The following SHISA9 variants were observed in gnomAD, a reference collection of about 807,000 sequenced individuals.
The protein encoded by SHISA9 is protein shisa-9.
In SHISA9, 13 loss-of-function variants were observed where a neutral mutation model predicts 38.0. That is an observed-to-expected ratio of 0.34 (90% confidence interval 0.22 to 0.54). SHISA9 has a LOEUF of 0.54. Among genes scored for constraint, SHISA9 ranks in the 20% least tolerant of loss-of-function variants. The pLI is 0.91. For missense variants in SHISA9, 538 were observed against 575.8 expected (o/e 0.93, Z 0.67); for synonymous variants, 275 against 242.0 (o/e 1.14, Z -1.27).
intron 2 of SHISA9, among the ~76,000 whole-genome samples, chr16:12,973,052 G>T (rs974531195): frequency 4.6e-5 from 7 of 152,176 alleles, no homozygotes; most frequent in Non-Finnish European, 7.3e-5. Context: ...GGAGGCGGAG[G>T]TTGCAGTGAG....
intron 3 of SHISA9, among the ~76,000 whole-genome samples, chr16:13,204,084 TTATC>T (rs962425543): frequency 5.3e-5 from 8 of 152,060 alleles, no homozygotes; most frequent in Admixed American, 1.3e-4. Flanking sequence ...CACTTATCTA[TTATC>T]TATCTATATC....
chr16:12,966,707 C>A (rs1473926644), intron 2 of SHISA9, among the ~76,000 whole-genome samples: 1 of 152,232 alleles, frequency 6.6e-6, no homozygotes, highest in African/African-American at 2.4e-5. Context: ...CTGTCTCATT[C>A]ATTTCCAGCA....
chr16:13,027,363 G>C (rs891086412), intron 2 of SHISA9, among the ~76,000 whole-genome samples: 8 of 152,150 alleles, frequency 5.3e-5, no homozygotes, highest in Non-Finnish European at 1.0e-4. Context: ...GCCCCAAAGA[G>C]GCTGCTTTTT....
the SHISA9 span, chr16:13,350,210 G>A: frequency 2.0e-5 from 3 of 152,252 alleles, no homozygotes; most frequent in Non-Finnish European, 4.4e-5. Context: ...CCTGCCTTTG[G>A]ACATCAGAAC....
At chr16:13,501,090 C>T in the SHISA9 span, among the ~76,000 whole-genome samples, 1 of 152,160 alleles carries the variant, frequency 6.6e-6, no homozygotes, top group Non-Finnish European at 1.5e-5. Context: ...CAATGCCAAA[C>T]CCCATACTCT....
chr16:13,362,243 A>ACAACAACAG, the SHISA9 span, among the ~76,000 whole-genome samples: 1 of 151,136 alleles, frequency 6.6e-6, no homozygotes, highest in East Asian at 1.9e-4. Flanking sequence ...AAACCAAACA[A>ACAACAACAG]CAACAACAGC....
chr16:13,302,918 G>A, the SHISA9 span, among the ~76,000 whole-genome samples: 21 of 152,122 alleles, frequency 1.4e-4, no homozygotes, highest in East Asian at 2.3e-3. Context: ...CCCTTTACAC[G>A]CTCTCTCTCA....
chr16:13,410,288 C>G, the SHISA9 span, among the ~76,000 whole-genome samples: 1 of 152,152 alleles, frequency 6.6e-6, no homozygotes, highest in Non-Finnish European at 1.5e-5. Context: ...ATGAGGACAT[C>G]AAAGTGACAT....
At chr16:13,200,409 A>AAC (rs148088145) in intron 2 of SHISA9, among the ~76,000 whole-genome samples, 6,830 of 136,578 alleles carry the variant, frequency 0.05, 223 homozygotes, top group South Asian at 0.11. Flanking sequence ...TATATCATGA[A>AAC]ACACACACAC....
chr16:12,930,094 A>C (rs537842058), intron 2 of SHISA9, among the ~76,000 whole-genome samples: 1 of 151,900 alleles, frequency 6.6e-6, no homozygotes, highest in South Asian at 2.1e-4. Flanking sequence ...CTCCTTTCAC[A>C]TTTTCCCCAC....
At chr16:13,311,540 A>T in the SHISA9 span, among the ~76,000 whole-genome samples, 3 of 152,174 alleles carry the variant, frequency 2.0e-5, no homozygotes, top group African/African-American at 7.2e-5. Flanking sequence ...GTGGGTTTCA[A>T]GTAGCTTGGG....
intron 2 of SHISA9, among the ~76,000 whole-genome samples, chr16:13,001,165 T>G (rs1253478863): frequency 6.6e-6 from 1 of 152,262 alleles, no homozygotes. Flanking sequence ...TGACATCAGG[T>G]GATCTGCCCG....
chr16:12,994,739 G>A (rs915923124), intron 2 of SHISA9, among the ~76,000 whole-genome samples: 8 of 152,178 alleles, frequency 5.3e-5, no homozygotes, highest in Non-Finnish European at 5.9e-5. Context: ...GGTGTAATCC[G>A]TTGGTCATGG....
intron 2 of SHISA9, among the ~76,000 whole-genome samples, chr16:13,069,178 A>T (rs1024834379): frequency 7.1e-6 from 1 of 140,948 alleles, no homozygotes; most frequent in Non-Finnish European, 1.5e-5. Context: ...TGTACATGCA[A>T]TGTGTATATG....
intron 1 of SHISA9, among the ~76,000 whole-genome samples, chr16:12,915,016 A>G (rs948874473): frequency 2.6e-5 from 4 of 152,148 alleles, no homozygotes; most frequent in Admixed American, 6.5e-5. Flanking sequence ...GTTGCCCCCA[A>G]ACAGCTCCTC....
At chr16:13,482,656 C>T in the SHISA9 span, among the ~76,000 whole-genome samples, 5 of 152,064 alleles carry the variant, frequency 3.3e-5, no homozygotes, top group Non-Finnish European at 7.4e-5. Context: ...AAAAATTTAG[C>T]TTGGCGTGGT....
the SHISA9 span, among the ~76,000 whole-genome samples, chr16:13,319,089 C>G: frequency 6.6e-6 from 1 of 152,244 alleles, no homozygotes; most frequent in African/African-American, 2.4e-5. Flanking sequence ...CCCACTGCAA[C>G]CACCGTTTTC....
the SHISA9 span, among the ~76,000 whole-genome samples, chr16:13,560,727 A>G: frequency 1.4e-5 from 2 of 147,312 alleles, no homozygotes; most frequent in Admixed American, 6.9e-5. Context: ...GAAAAAAGAG[A>G]AGATCTGTCC....
chr16:13,051,804 C>A (rs2141899733), intron 2 of SHISA9, among the ~76,000 whole-genome samples: 1 of 150,810 alleles, frequency 6.6e-6, no homozygotes, highest in African/African-American at 2.5e-5. Flanking sequence ...CTTGCTCTAT[C>A]ACCAGGCTGG....
Sources: allele counts gnomAD v4.1 joint callset (sites outside exome capture counted in the v4.1 genomes callset), GRCh38; gene constraint gnomAD v4.1.1; transcripts MANE v1.5; gene names NCBI Gene and HGNC (gene_info 2026-07-23, HGNC 2026-07-21).